The following SH3BGR variants were observed in gnomAD, a reference collection of about 807,000 sequenced individuals.
SH3BGR encodes the protein SH3 domain binding glutamate rich protein.
SH3BGR carries 29 observed loss-of-function variants against 24.5 expected under a neutral mutation model. That is an observed-to-expected ratio of 1.18 (90% CI 0.88 to 1.61). The LOEUF is 1.61. Among genes scored for constraint, SH3BGR ranks in the 40% most tolerant of loss-of-function variants. The pLI is 0.00. For missense variants in SH3BGR, 162 were observed against 205.8 expected (o/e 0.79, Z 1.30); for synonymous variants, 55 against 65.7 (o/e 0.84, Z 0.79).
At chr21:39,455,264 C>T (rs1485331923) in intron 1 of SH3BGR, among the ~76,000 whole-genome samples, 4 of 152,180 alleles carry the variant, frequency 2.6e-5, no homozygotes, top group Non-Finnish European at 4.4e-5. Flanking sequence ...GATAGGAAAA[C>T]GGAGCTCTCT....
At chr21:39,474,956 A>G (rs1172678862) in intron 2 of SH3BGR, among the ~76,000 whole-genome samples, 179 bp from the exon 3 acceptor site, 1 of 152,128 alleles carries the variant, frequency 6.6e-6, no homozygotes, top group African/African-American at 2.4e-5. Flanking sequence ...AAACAAATGT[A>G]AAGTTCATGG....
intron 3 of SH3BGR, chr21:39,488,733 G>A (rs910697668): frequency 1.1e-5 from 5 of 455,796 alleles, no homozygotes; most frequent in African/African-American, 2.0e-5. Flanking sequence ...AGATGCTGGC[G>A]GCCGGGCATG....
chr21:39,486,924 G>C (rs1054153153), intron 3 of SH3BGR, among the ~76,000 whole-genome samples: 6 of 151,950 alleles, frequency 3.9e-5, no homozygotes, highest in Non-Finnish European at 1.5e-5. Context: ...CAGCATGTTG[G>C]CCAGGCTGAT....
At chr21:39,493,551 T>A (rs1020232287) in intron 3 of SH3BGR, among the ~76,000 whole-genome samples, 1 of 152,220 alleles carries the variant, frequency 6.6e-6, no homozygotes, top group Non-Finnish European at 1.5e-5. Flanking sequence ...GGTAACATGA[T>A]GCCTCCAGAT....
chr21:39,508,971 T>C (rs751628119), intron 4 of SH3BGR, 27 bp from the exon 5 acceptor site: 3 of 1,579,840 alleles, frequency 1.9e-6, no homozygotes, highest in Non-Finnish European at 2.6e-6. Flanking sequence ...TATGTTTTTT[T>C]CTTTAATTTT....
intron 3 of SH3BGR, chr21:39,488,374 A>G (rs1179346901): frequency 1.3e-5 from 3 of 227,104 alleles, no homozygotes; most frequent in Non-Finnish European, 2.8e-5. Context: ...GAGGCCTTCC[A>G]GCTGTTTGAC....
At chr21:39,452,265 A>C in intron 1 of SH3BGR, 124 bp downstream of exon 1, 1 of 1,096,428 alleles carries the variant, frequency 9.1e-7, no homozygotes. Flanking sequence ...TGCAATAAGT[A>C]TGTGCGCCCT....
At chr21:39,452,259 A>G (rs1369466736) in intron 1 of SH3BGR, 118 bp downstream of exon 1, 5 of 1,170,396 alleles carry the variant, frequency 4.3e-6, no homozygotes, top group Non-Finnish European at 6.3e-6. Context: ...TGGCTCTGCA[A>G]TAAGTATGTG....
chr21:39,483,628 TA>T (rs2078165377), intron 3 of SH3BGR, among the ~76,000 whole-genome samples: 1 of 152,232 alleles, frequency 6.6e-6, no homozygotes, highest in African/African-American at 2.4e-5. Flanking sequence ...TTCCCAGCTA[TA>T]AAATGAAGAG....
chr21:39,478,917 A>T (rs1352429134), intron 3 of SH3BGR, among the ~76,000 whole-genome samples: 4 of 151,756 alleles, frequency 2.6e-5, no homozygotes, highest in Non-Finnish European at 5.9e-5. Context: ...CTTAATTCTG[A>T]GTTTATTAAA....
intron 1 of SH3BGR, among the ~76,000 whole-genome samples, chr21:39,457,375 T>C (rs2077676369): frequency 7.0e-6 from 1 of 143,388 alleles, no homozygotes; most frequent in Non-Finnish European, 1.5e-5. Flanking sequence ...ATATATAAGA[T>C]TATTATATAT....
intron 3 of SH3BGR, among the ~76,000 whole-genome samples, chr21:39,480,253 A>G (rs900846679): frequency 6.6e-6 from 1 of 152,180 alleles, no homozygotes; most frequent in Non-Finnish European, 1.5e-5. Context: ...GGCTTTTAGT[A>G]TATGTAGAGT....
At chr21:39,457,656 G>A (rs181379318) in intron 1 of SH3BGR, among the ~76,000 whole-genome samples, 2 of 151,888 alleles carry the variant, frequency 1.3e-5, no homozygotes, top group Non-Finnish European at 1.5e-5. Flanking sequence ...ACCCAGCCGG[G>A]CACTGTGGGT....
At chr21:39,483,811 A>G (rs890250752) in intron 3 of SH3BGR, among the ~76,000 whole-genome samples, 1 of 152,214 alleles carries the variant, frequency 6.6e-6, no homozygotes, top group Admixed American at 6.5e-5. Flanking sequence ...ATAACTGTCT[A>G]TGTGAATATG....
chr21:39,496,521 A>G (rs1337571544), intron 3 of SH3BGR, among the ~76,000 whole-genome samples: 3 of 151,824 alleles, frequency 2.0e-5, no homozygotes, highest in African/African-American at 7.3e-5. Context: ...AAAAAAAAAA[A>G]AAAAAAAATT....
intron 3 of SH3BGR, among the ~76,000 whole-genome samples, chr21:39,487,411 G>C (rs2123447304): frequency 6.6e-6 from 1 of 152,172 alleles, no homozygotes; most frequent in East Asian, 1.9e-4. Context: ...CCAAAGTGCT[G>C]GGATTATATA....
rs61184498 is a variant in SH3BGR, at chr21:39,479,366, A to G, written c.312+4151A>G. Among the ~76,000 whole-genome samples the G allele has an allele frequency of 2.7e-3, 328 of 122,082 alleles. 1 individual carries two copies. Among genetic ancestry groups the G allele is most frequent in the African/African-American group, 0.011 (319 of 28,326 alleles). The allele number at this position is 122,082 out of a possible 152,430, so 80.1% of individuals were successfully genotyped here. A position where few individuals can be genotyped will look rare whatever the true frequency, so the allele number is the denominator to read the frequency against. ...GATTGTGGTGGTGATGGTGGAGATG[A>G]TGGTGGTGGTGATGGTGGTGGTGGT... On this transcript the variant is annotated intron_variant, in intron 3 of 6. Coordinates refer to ENST00000333634, the MANE Select transcript of SH3BGR (RefSeq NM_007341.3).
chr21:39,476,979 T>A (rs2078037989), intron 3 of SH3BGR, among the ~76,000 whole-genome samples: 1 of 152,228 alleles, frequency 6.6e-6, no homozygotes, highest in South Asian at 2.1e-4. Flanking sequence ...ATTTTCTGTC[T>A]GTTCATCACA....
upstream of SH3BGR, among the ~76,000 whole-genome samples, chr21:39,450,901 G>A (rs924912701): frequency 6.6e-6 from 1 of 152,082 alleles, no homozygotes; most frequent in African/African-American, 2.4e-5. Flanking sequence ...CTGGCTAAAG[G>A]GCTCAAGGGA....
Sources: gnomAD v4.1 joint callset for allele counts (sites outside exome capture counted in the v4.1 genomes callset) on GRCh38, gnomAD v4.1.1 for gene constraint, MANE v1.5 for transcripts, NCBI Gene and HGNC (gene_info 2026-07-23, HGNC 2026-07-21) for gene names.